EYA2: variants seen among roughly 807,000 people sequenced by gnomAD.
The protein encoded by EYA2 is protein phosphatase EYA2.
Under a neutral mutation model 69.2 loss-of-function variants are expected in EYA2, and 31 were observed. The observed-to-expected ratio is 0.45, with a 90% CI of 0.34 to 0.60. EYA2 has a LOEUF of 0.60. EYA2 is among the 20% of genes least tolerant of loss of function. The pLI is 0.02. For synonymous variants in EYA2, 257 were observed against 279.4 expected (o/e 0.92, Z 0.80); for missense variants, 622 against 701.2 (o/e 0.89, Z 1.28).
intron 1 of EYA2, among the ~76,000 whole-genome samples, chr20:46,903,380 C>T (rs1984205129): frequency 6.6e-6 from 1 of 152,184 alleles, no homozygotes; most frequent in African/African-American, 2.4e-5. Context: ...CCGCACTAGG[C>T]ATATAGGACT....
In EYA2 at chr20:46,944,245, G is replaced by A. The variant is rs73303702; in HGVS notation, c.-10-45756G>A. Among the ~76,000 whole-genome samples the A allele has an allele frequency of 7.6e-3, 1,151 of 151,796 alleles. 19 individuals are homozygous for A. The highest frequency in any genetic ancestry group is 0.026 in the African/African-American group (1,084 of 41,092). On this transcript the variant is annotated intron_variant, in intron 1 of 15. Coordinates refer to ENST00000327619, the MANE Select transcript of EYA2 (RefSeq NM_005244.5). ...TTTTGGCCAACCAGTGCTCCCGTGC[G>A]CAGATCCCTGTGGTGATGGGAGACA... is the stretch of plus-strand genomic sequence containing the variant.
rs1490979965 is a variant in EYA2 at position 47,187,971 on chromosome 20, C to A, written c.1537-82C>A. The A allele has an allele frequency of 3.5e-6, 5 of 1,440,430 alleles. No homozygotes were observed. The Admixed American group carries it at 7.9e-5, about 23-fold the overall frequency. 89.2% of individuals were successfully genotyped at this position (1,440,430 alleles called of 1,614,324 possible). The stretch of plus-strand genomic sequence containing the variant: ...GTGCTAGACTTAACTGGGTTGACTT[C>A]TCACATGCCCTCTAACCACAGGCGT... On this transcript the variant is annotated intron_variant, in intron 15 of 15. Transcript: ENST00000327619.
At chr20:47,031,126 C>T (rs1176024609) in intron 5 of EYA2, among the ~76,000 whole-genome samples, 1 of 152,092 alleles carries the variant, frequency 6.6e-6, no homozygotes, top group Non-Finnish European at 1.5e-5. Flanking sequence ...GATGAGTGCT[C>T]CAAGGAGAAT....
At position 47,166,588 on chromosome 20, in the gene EYA2, A is replaced by G. The variant is rs528973322; in HGVS notation, c.979-2551A>G. Among the ~76,000 whole-genome samples, 720 of 152,074 alleles carry G rather than the reference A, an allele frequency of 4.7e-3. 6 individuals carry two copies. The highest frequency in any genetic ancestry group is 0.016 in the African/African-American group (647 of 41,464). The stretch of plus-strand genomic sequence containing the variant: ...GAGTCCCACGTGCTTCTCCTCCTCC[A>G]GCAGCCTTTGTAAGGAGGCAGCTGC... On this transcript the variant is annotated intron_variant, in intron 10 of 15. Coordinates refer to ENST00000327619, the MANE Select transcript of EYA2 (RefSeq NM_005244.5).
chr20:47,186,559 A>G lies in EYA2; in HGVS notation c.1537-1494A>G, dbSNP rs1316086993. On this transcript the variant is annotated intron_variant, in intron 15 of 15. Transcript: ENST00000327619. Reference sequence around the variant, plus strand: ...ATTTTAGTAGAGATGGGGTTTCACCATGTTGGCCAGGCTGGTCTCAAATTC... The same window carrying G: ...ATTTTAGTAGAGATGGGGTTTCACCGTGTTGGCCAGGCTGGTCTCAAATTC... Among the ~76,000 whole-genome samples, 4 of 151,708 alleles carry G rather than the reference A, an allele frequency of 2.6e-5. No homozygotes were observed. The South Asian group carries it at 6.3e-4, about 24-fold the overall frequency.
rs56288405 is a variant in EYA2, at chr20:46,987,916, G to GACTCAC, written c.-10-2085_-10-2084insACTCAC. On this transcript the variant is annotated intron_variant, in intron 1 of 15. Transcript: ENST00000327619. Reference sequence around the variant, plus strand: ...TACTCCAGCCTGGAAGACAGAGTAAGTCTCTCTCTCTCTCTCTCTCTCTCT... The same window carrying GACTCAC: ...TACTCCAGCCTGGAAGACAGAGTAAGACTCACTCTCTCTCTCTCTCTCTCTCTCTCT... Among the ~76,000 whole-genome samples the GACTCAC allele has an allele frequency of 1.2e-3, 25 of 20,364 alleles. 1 individual carries two copies. The highest frequency in any genetic ancestry group is 4.0e-3 in the African/African-American group (24 of 6,018). The allele number at this position is 20,364 out of a possible 152,430, so 13.4% of individuals were successfully genotyped here.
chr20:46,924,514 C>CA (rs1050354242), intron 1 of EYA2, among the ~76,000 whole-genome samples: 1 of 151,914 alleles, frequency 6.6e-6, no homozygotes, highest in Non-Finnish European at 1.5e-5. Context: ...ACTAAAAATA[C>CA]AAAAAATTAG....
At chr20:46,973,068 G>A (rs974876623) in intron 1 of EYA2, among the ~76,000 whole-genome samples, 23 of 152,052 alleles carry the variant, frequency 1.5e-4, no homozygotes, top group African/African-American at 5.3e-4. Context: ...TGAACACAAG[G>A]GCCCTCGTGG....
intron 11 of EYA2, among the ~76,000 whole-genome samples, chr20:47,171,773 T>C (rs1022724260): frequency 2.6e-5 from 4 of 152,080 alleles, no homozygotes; most frequent in African/African-American, 9.7e-5. Context: ...GCATCTGAGT[T>C]AATGGTGAGC....
chr20:46,963,303 G>A (rs970995653), intron 1 of EYA2, among the ~76,000 whole-genome samples: 2 of 152,156 alleles, frequency 1.3e-5, no homozygotes, highest in African/African-American at 2.4e-5. Context: ...CAAAAGCTGG[G>A]TCTGTCTCTG....
At chr20:46,896,377 A>G (rs1267168038) in intron 1 of EYA2, among the ~76,000 whole-genome samples, 1 of 151,706 alleles carries the variant, frequency 6.6e-6, no homozygotes, top group East Asian at 1.9e-4. Flanking sequence ...GTTAGCAACT[A>G]ACATACACAT....
intron 1 of EYA2, among the ~76,000 whole-genome samples, chr20:46,924,692 A>G (rs952986545): frequency 1.4e-5 from 2 of 145,674 alleles, no homozygotes; most frequent in Admixed American, 7.0e-5. Context: ...AAAAAAAAAA[A>G]AGCCCCAAGT....
At chr20:46,932,277 C>T (rs1174389487) in intron 1 of EYA2, among the ~76,000 whole-genome samples, 1 of 152,096 alleles carries the variant, frequency 6.6e-6, no homozygotes. Flanking sequence ...GTCATGCTCA[C>T]CTTCCAGTCT....
chr20:46,965,674 G>A (rs1979733258), intron 1 of EYA2, among the ~76,000 whole-genome samples: 1 of 152,260 alleles, frequency 6.6e-6, no homozygotes, highest in Non-Finnish European at 1.5e-5. Context: ...GCCCACGCTT[G>A]TTCAGCCTCC....
At chr20:47,131,362 C>T (rs2033338069) in intron 9 of EYA2, among the ~76,000 whole-genome samples, 3 of 152,126 alleles carry the variant, frequency 2.0e-5, no homozygotes, top group Admixed American at 6.5e-5. Context: ...ACTGTCTAGG[C>T]GGAGGTGCCA....
chr20:47,111,920 A>G (rs1431450549), intron 9 of EYA2, among the ~76,000 whole-genome samples: 3 of 152,166 alleles, frequency 2.0e-5, no homozygotes, highest in Non-Finnish European at 4.4e-5. Context: ...ACTTGAGCCC[A>G]GGAGTTTGAG....
chr20:47,142,091 G>A (rs991307147), intron 9 of EYA2, among the ~76,000 whole-genome samples: 2 of 152,182 alleles, frequency 1.3e-5, no homozygotes, highest in South Asian at 4.1e-4. Flanking sequence ...TTTAGGCTTT[G>A]TGGGACACAC....
intron 14 of EYA2, among the ~76,000 whole-genome samples, chr20:47,182,644 AGG>A (rs2034560926): frequency 7.0e-6 from 1 of 142,942 alleles, no homozygotes; most frequent in Admixed American, 6.9e-5. Context: ...AAAAAAAAAA[AGG>A]TTAAGATGGC....
At chr20:47,099,539 AAGAG>A (rs1201778799) in intron 9 of EYA2, among the ~76,000 whole-genome samples, 2 of 152,208 alleles carry the variant, frequency 1.3e-5, no homozygotes, top group African/African-American at 2.4e-5. Context: ...AATCAATAAA[AAGAG>A]AGCCCCAGGG....
Sources: gnomAD v4.1 joint callset for allele counts (sites outside exome capture counted in the v4.1 genomes callset) on GRCh38, gnomAD v4.1.1 for gene constraint, MANE v1.5 for transcripts, NCBI Gene and HGNC (gene_info 2026-07-23, HGNC 2026-07-21) for gene names.